SLC35F4: variants seen among roughly 807,000 people sequenced by gnomAD.
SLC35F4 encodes the protein solute carrier family 35 member F4.
A neutral mutation model predicts 44.2 loss-of-function variants in SLC35F4; 24 were observed. That is an observed-to-expected ratio of 0.54 (90% CI 0.39 to 0.76). The LOEUF is 0.76. Ranked by LOEUF, SLC35F4 falls within the 30% of genes least tolerant of loss-of-function variation. The pLI is 0.00. For synonymous variants in SLC35F4, 238 were observed against 223.6 expected, an observed-to-expected ratio of 1.06 and a Z score of -0.57; for missense variants, 562 against 586.1, an observed-to-expected ratio of 0.96 and a Z score of 0.42.
chr14:57,682,790 T>C (rs1371149670), intron 1 of SLC35F4, among the ~76,000 whole-genome samples: 3 of 152,218 alleles, frequency 2.0e-5, no homozygotes, highest in Non-Finnish European at 4.4e-5. Context: ...ACAAGCTGAC[T>C]GACCTTGGGC....
intron 1 of SLC35F4, among the ~76,000 whole-genome samples, chr14:57,971,473 G>A (rs2141094759): frequency 6.6e-6 from 1 of 152,326 alleles, no homozygotes; most frequent in African/African-American, 2.4e-5. Context: ...CCAGAAGCAT[G>A]TCACTTGCTA....
At chr14:57,751,766 G>A (rs1030699202) in intron 1 of SLC35F4, among the ~76,000 whole-genome samples, 1 of 152,036 alleles carries the variant, frequency 6.6e-6, no homozygotes, top group African/African-American at 2.4e-5. Flanking sequence ...AAAATTCTAT[G>A]GTCACAATGA....
intron 6 of SLC35F4, 128 bp downstream of exon 6, chr14:57,569,660 A>C (rs2068386601): frequency 9.2e-7 from 1 of 1,084,992 alleles, no homozygotes; most frequent in Admixed American, 3.3e-5. Context: ...ATGACCAACG[A>C]CATTGAACAA....
intron 1 of SLC35F4, among the ~76,000 whole-genome samples, chr14:57,853,285 A>G (rs1886754570): frequency 6.6e-6 from 1 of 152,188 alleles, no homozygotes; most frequent in Non-Finnish European, 1.5e-5. Flanking sequence ...AGTTCATTAC[A>G]TATTATCTAG....
intron 1 of SLC35F4, among the ~76,000 whole-genome samples, chr14:57,710,490 GC>G (rs2140399803): frequency 6.6e-6 from 1 of 152,266 alleles, no homozygotes; most frequent in Non-Finnish European, 1.5e-5. Context: ...TGAGAAAAGG[GC>G]CAGCATCCTC....
chr14:57,973,873 T>C (rs1881128887), downstream of SLC35F4, among the ~76,000 whole-genome samples: 1 of 152,080 alleles, frequency 6.6e-6, no homozygotes, highest in Non-Finnish European at 1.5e-5. Flanking sequence ...GGTATGTATG[T>C]ATATACTCCC....
intron 1 of SLC35F4, among the ~76,000 whole-genome samples, chr14:57,721,963 C>T (rs2076096196): frequency 6.9e-6 from 1 of 144,928 alleles, no homozygotes; most frequent in African/African-American, 2.6e-5. Context: ...ACCCCCAACA[C>T]TCCTGTTTTC....
chr14:57,739,613 T>C (rs995441134), intron 1 of SLC35F4, among the ~76,000 whole-genome samples: 35 of 152,100 alleles, frequency 2.3e-4, no homozygotes, highest in Admixed American at 2.0e-3. Flanking sequence ...CTGCCGTTTG[T>C]GGATTGTGTT....
chr14:57,681,410 A>G (rs1001326833), intron 1 of SLC35F4, among the ~76,000 whole-genome samples: 4 of 152,172 alleles, frequency 2.6e-5, no homozygotes, highest in South Asian at 2.1e-4. Flanking sequence ...TCCTAAACCC[A>G]TAAAAACCCT....
intron 1 of SLC35F4, among the ~76,000 whole-genome samples, chr14:57,964,407 T>A (rs1178013325): frequency 2.7e-5 from 4 of 150,614 alleles, no homozygotes; most frequent in African/African-American, 7.3e-5. Context: ...ACTCTAAATT[T>A]AAAAAAAAAA....
At chr14:57,709,986 A>G (rs2075777019) in intron 1 of SLC35F4, among the ~76,000 whole-genome samples, 1 of 152,246 alleles carries the variant, frequency 6.6e-6, no homozygotes, top group Non-Finnish European at 1.5e-5. Flanking sequence ...AGAAATGTGC[A>G]TAAGTAACAA....
chr14:57,819,413 A>G (rs918512235), intron 1 of SLC35F4, among the ~76,000 whole-genome samples: 11 of 152,252 alleles, frequency 7.2e-5, no homozygotes, highest in African/African-American at 2.4e-4. Flanking sequence ...ACAAACAAAA[A>G]CTTCAACAAA....
chr14:57,816,002 A>C (rs1882528538), intron 1 of SLC35F4, among the ~76,000 whole-genome samples: 1 of 152,224 alleles, frequency 6.6e-6, no homozygotes, highest in African/African-American at 2.4e-5. Context: ...CCAAGCTTTC[A>C]AAAAAGAAGG....
At chr14:57,578,371 C>A (rs2068975455) in intron 4 of SLC35F4, among the ~76,000 whole-genome samples, 1 of 60,066 alleles carries the variant, frequency 1.7e-5, no homozygotes, top group Non-Finnish European at 3.2e-5. Flanking sequence ...TTTGAGTAGT[C>A]CAGTGGGATG....
chr14:57,801,074 C>T (rs1158393692), intron 1 of SLC35F4, among the ~76,000 whole-genome samples: 1 of 152,152 alleles, frequency 6.6e-6, no homozygotes, highest in Non-Finnish European at 1.5e-5. Flanking sequence ...TCATCAGATT[C>T]TCCAAGGTCA....
At chr14:57,807,882 TG>T (rs530444239) in intron 1 of SLC35F4, among the ~76,000 whole-genome samples, 166 of 151,950 alleles carry the variant, frequency 1.1e-3, no homozygotes, top group African/African-American at 3.8e-3. Flanking sequence ...TCTACATGGC[TG>T]GGGGGCCTCA....
chr14:57,785,215 C>T (rs1490078935), intron 1 of SLC35F4, among the ~76,000 whole-genome samples: 4 of 152,086 alleles, frequency 2.6e-5, no homozygotes, highest in Non-Finnish European at 5.9e-5. Context: ...GAAGTTTATA[C>T]TACATGAAAT....
At chr14:57,779,561 G>A (rs747505754) in intron 1 of SLC35F4, among the ~76,000 whole-genome samples, 1 of 152,138 alleles carries the variant, frequency 6.6e-6, no homozygotes, top group Non-Finnish European at 1.5e-5. Flanking sequence ...GAAGAGGAAG[G>A]ACTTCTCCCC....
At chr14:57,707,315 T>C (rs186651781) in intron 1 of SLC35F4, among the ~76,000 whole-genome samples, 3 of 152,140 alleles carry the variant, frequency 2.0e-5, no homozygotes, top group Admixed American at 6.5e-5. Context: ...CCACATATCA[T>C]GGGAGGGACT....
Sources: allele counts gnomAD v4.1 joint callset (sites outside exome capture counted in the v4.1 genomes callset), GRCh38; gene constraint gnomAD v4.1.1; transcripts MANE v1.5; gene names NCBI Gene and HGNC (gene_info 2026-07-23, HGNC 2026-07-21).